SSTR4: variants seen among roughly 807,000 people sequenced by gnomAD.
SSTR4 encodes the protein somatostatin receptor 4.
For synonymous variants in SSTR4, 272 were observed against 246.3 expected (o/e 1.10, Z -0.98); for missense variants, 649 against 540.6 (o/e 1.20, Z -1.99).
At position 23,038,544 on chromosome 20, in the gene SSTR4, G is replaced by A. The variant is rs1984388418; in HGVS notation, c.*1894G>A. ...TTTAACTTAGTTGATGAAGGTTGAA[G>A]GAGAGGCAGCTTCAGGTGATGGAAA... On this transcript the variant is annotated 3_prime_UTR_variant, in exon 1 of 1. Transcript: ENST00000255008. 6.6e-6 allele frequency among the ~76,000 whole-genome samples: 1 copy of A among 152,218 alleles called. No individual in the cohort carries two copies. The highest frequency in any genetic ancestry group is 2.4e-5 in the African/African-American group (1 of 41,442).
rs1381183445 is a variant in SSTR4, at chr20:23,036,809, C to A, written c.*159C>A. ...GCCGGAGAGTGTCAGAACTCTTCTGCTGCTCTCCTCTCCCCTGCACTCTGG... is the reference window on the plus strand; with the variant it reads ...GCCGGAGAGTGTCAGAACTCTTCTGATGCTCTCCTCTCCCCTGCACTCTGG... On this transcript the variant is annotated 3_prime_UTR_variant, in exon 1 of 1. Transcript: ENST00000255008. The A allele has an allele frequency of 3.9e-6, 3 of 776,190 alleles. No homozygotes were observed. Among genetic ancestry groups the A allele is most frequent in the Admixed American group, 3.4e-5 (1 of 29,848 alleles). The allele number at this position is 776,190 out of a possible 1,614,324, so 48.1% of individuals were successfully genotyped here. A position where few individuals can be genotyped will look rare whatever the true frequency, so the allele number is the denominator to read the frequency against.
chr20:23,036,714 C>T lies in SSTR4; in HGVS notation c.*64C>T. ...AAGGGGTGGGCACCATTCCTACAGCCCCGAAGACTGCATCTCCTGAATGCT... is the reference window on the plus strand; with the variant it reads ...AAGGGGTGGGCACCATTCCTACAGCTCCGAAGACTGCATCTCCTGAATGCT... On this transcript the variant is annotated 3_prime_UTR_variant, in exon 1 of 1. Coordinates refer to ENST00000255008, the MANE Select transcript of SSTR4 (RefSeq NM_001052.4). 6.7e-7 allele frequency: 1 copy of T among 1,491,768 alleles called. No homozygotes were observed. Among genetic ancestry groups the T allele is most frequent in the East Asian group, 2.3e-5 (1 of 43,826 alleles). The allele number at this position is 1,491,768 out of a possible 1,614,324, so 92.4% of individuals were successfully genotyped here. A position where few individuals can be genotyped will look rare whatever the true frequency, so the allele number is the denominator to read the frequency against.
rs1172716473 is a variant in SSTR4, at chr20:23,038,210, C to A, written c.*1560C>A. On this transcript the variant is annotated 3_prime_UTR_variant, in exon 1 of 1. Coordinates refer to ENST00000255008, the MANE Select transcript of SSTR4 (RefSeq NM_001052.4). ...GGAGTTTTTTAAAACTGCATTATTT[C>A]TTTGTTCCTCAGTGTCTGACAATGC... 3 of 152,106 alleles carry A rather than the reference C, an allele frequency of 2.0e-5. No homozygotes were observed. Among genetic ancestry groups the A allele is most frequent in the African/African-American group, 7.2e-5 (3 of 41,406 alleles). 9.4% of individuals were successfully genotyped at this position (152,106 alleles called of 1,614,324 possible). A position where few individuals can be genotyped will look rare whatever the true frequency, so the allele number is the denominator to read the frequency against.
In SSTR4 at chr20:23,035,960, G is replaced by T; in HGVS notation, c.477G>T (p.Arg159=). The T allele has an allele frequency of 6.2e-7, 1 of 1,608,000 alleles. No homozygotes were observed. Among genetic ancestry groups the T allele is most frequent in the Non-Finnish European group, 8.5e-7 (1 of 1,178,622 alleles). Residue 159 remains arginine, a synonymous_variant, in exon 1 of 1, where the codon CGG becomes CGT. Coordinates refer to ENST00000255008, the MANE Select transcript of SSTR4 (RefSeq NM_001052.4). ...VHPLRAATYR[R]PSVAKLINLG... The stretch of plus-strand genomic sequence containing the variant: ...CTCTGCGCGCGGCGACCTACCGGCG[G>T]CCCAGCGTGGCCAAGCTCATCAACC...
chr20:23,036,604 A>T lies in SSTR4; in HGVS notation c.1121A>T (p.Glu374Val), dbSNP rs1984334050. The T allele has an allele frequency of 3.8e-6, 6 of 1,579,018 alleles. No homozygotes were observed. Among genetic ancestry groups the T allele is most frequent in the Non-Finnish European group, 5.2e-6 (6 of 1,163,640 alleles). Residue 374 changes from glutamate (E) to valine (V), a missense_variant, in exon 1 of 1, where the codon GAA becomes GTA. Glu to Val is a moderately radical substitution (Grantham distance 121, BLOSUM62 -2). Coordinates refer to ENST00000255008, the MANE Select transcript of SSTR4 (RefSeq NM_001052.4). ...LPCQQEALQP[E>V]PGRKRIPLTR... ...TGCCAGCAGGAAGCCCTGCAACCAG[A>T]ACCCGGCCGCAAGCGCATCCCCCTC...
rs901185473 is a variant in SSTR4, at chr20:23,035,470, C to A, written c.-14C>A. On this transcript the variant is annotated 5_prime_UTR_variant, in exon 1 of 1. Coordinates refer to ENST00000255008, the MANE Select transcript of SSTR4 (RefSeq NM_001052.4). ...TCCGCCGCGCTCAGCTGCCCTGCGCCGGCACCCCTGGTCATGAGCGCCCCC... is the reference window on the plus strand; with the variant it reads ...TCCGCCGCGCTCAGCTGCCCTGCGCAGGCACCCCTGGTCATGAGCGCCCCC... 2.0e-6 allele frequency: 3 copies of A among 1,467,728 alleles called. No individual in the cohort carries two copies. The highest frequency in any genetic ancestry group is 1.4e-5 in the South Asian group (1 of 72,948). 90.9% of individuals were successfully genotyped at this position (1,467,728 alleles called of 1,614,324 possible).
In SSTR4 at chr20:23,038,353, C is replaced by T. The variant is rs894266927; in HGVS notation, c.*1703C>T. On this transcript the variant is annotated 3_prime_UTR_variant, in exon 1 of 1. Coordinates refer to ENST00000255008, the MANE Select transcript of SSTR4 (RefSeq NM_001052.4). ...AGTGGTCCCCAGGGCTTCTTCCCAGCTTGTACGTGGGGTTGGGGGTCCTTT... is the reference window on the plus strand; with the variant it reads ...AGTGGTCCCCAGGGCTTCTTCCCAGTTTGTACGTGGGGTTGGGGGTCCTTT... The T allele has an allele frequency of 6.6e-6, 1 of 152,238 alleles. No homozygotes were observed. The highest frequency in any genetic ancestry group is 1.5e-5 in the Non-Finnish European group (1 of 68,108). 9.4% of individuals were successfully genotyped at this position (152,238 alleles called of 1,614,324 possible). A position where few individuals can be genotyped will look rare whatever the true frequency, so the allele number is the denominator to read the frequency against.
At position 23,035,399 on chromosome 20, in the gene SSTR4, C is replaced by G. The variant is rs1310741705; in HGVS notation, c.-85C>G. 1.7e-5 allele frequency: 18 copies of G among 1,052,224 alleles called. No individual in the cohort carries two copies. The highest frequency in any genetic ancestry group is 2.1e-5 in the Non-Finnish European group (17 of 826,316). 65.2% of individuals were successfully genotyped at this position (1,052,224 alleles called of 1,614,324 possible). ...GAAGAGCCGCGCGTCTGCGCGCCAG[C>G]CCCCGCCCTGGGCCCGCCGCCCGAG... On this transcript the variant is annotated 5_prime_UTR_variant, in exon 1 of 1. Transcript: ENST00000255008.
chr20:23,039,033 T>C lies in SSTR4; in HGVS notation c.*2383T>C, dbSNP rs572694609. On this transcript the variant is annotated 3_prime_UTR_variant, in exon 1 of 1. Coordinates refer to ENST00000255008, the MANE Select transcript of SSTR4 (RefSeq NM_001052.4). ...AACCCCAGGCTTTTGTAACAACTGG[T>C]TGCATGAAACCCTCCCTTGTAGTTT... 6.6e-6 allele frequency: 1 copy of C among 152,326 alleles called. No homozygotes were observed. The highest frequency in any genetic ancestry group is 2.1e-4 in the South Asian group (1 of 4,822). The allele number at this position is 152,326 out of a possible 1,614,324, so 9.4% of individuals were successfully genotyped here. A position where few individuals can be genotyped will look rare whatever the true frequency, so the allele number is the denominator to read the frequency against.
rs892041978 is a variant in SSTR4, at chr20:23,036,078, A to G, written c.595A>G (p.Asn199Asp). ...PARGGQAVAC[N>D]LQWPHPAWSA... is the part of the protein sequence containing the mutation. ...TCGCGGCGGCCAGGCCGTGGCCTGC[A>G]ACCTGCAGTGGCCACACCCGGCCTG... The change falls in exon 1 of 1, where the codon AAC becomes GAC. Residue 199 changes from asparagine to aspartate, a missense_variant. Physicochemically the swap from Asn to Asp is conservative, Grantham distance 23. Transcript: ENST00000255008. The G allele has an allele frequency of 1.3e-6, 2 of 1,595,380 alleles. No individual in the cohort carries two copies. The highest frequency in any genetic ancestry group is 1.7e-6 in the Non-Finnish European group (2 of 1,177,052).
At position 23,036,084 on chromosome 20, in the gene SSTR4, C is replaced by T; in HGVS notation, c.601C>T (p.Gln201Ter). 10 of 1,597,724 alleles carry T rather than the reference C, an allele frequency of 6.3e-6. No homozygotes were observed. The highest frequency in any genetic ancestry group is 8.5e-6 in the Non-Finnish European group (10 of 1,178,100). Residue 201 changes from glutamine to a stop codon, truncating the protein, a stop_gained, in exon 1 of 1, where the codon CAG (glutamine) becomes TAG (stop). Transcript: ENST00000255008. LOFTEE classifies it low-confidence loss of function (END_TRUNC). Reference sequence around the variant, plus strand: ...CGGCCAGGCCGTGGCCTGCAACCTGCAGTGGCCACACCCGGCCTGGTCGGC... The same window carrying T: ...CGGCCAGGCCGTGGCCTGCAACCTGTAGTGGCCACACCCGGCCTGGTCGGC... ...RGGQAVACNL[Q>*]WPHPAWSAVF...
rs141700474 is a variant in SSTR4 at position 23,036,182 on chromosome 20, C to A, written c.699C>A (p.Leu233=). ...TGGCCATTGGCCTGTGCTACCTGCT[C>A]ATCGTGGGCAAGATGCGCGCCGTGG... ...PVLAIGLCYL[L]IVGKMRAVAL... Residue 233 remains leucine, a synonymous_variant, in exon 1 of 1, where the codon CTC becomes CTA. Coordinates refer to ENST00000255008, the MANE Select transcript of SSTR4 (RefSeq NM_001052.4). 6.2e-7 allele frequency: 1 copy of A among 1,611,396 alleles called. No homozygotes were observed. The highest frequency in any genetic ancestry group is 1.7e-5 in the Admixed American group (1 of 59,936).
rs954943360 is a variant in SSTR4 at position 23,037,445 on chromosome 20, G to C, written c.*795G>C. ...CATTAAGGCAGCAATTTATACTGTGGTGGTGAGTGAGAGAGGAGCCATGGG... is the reference window on the plus strand; with the variant it reads ...CATTAAGGCAGCAATTTATACTGTGCTGGTGAGTGAGAGAGGAGCCATGGG... On this transcript the variant is annotated 3_prime_UTR_variant, in exon 1 of 1. Transcript: ENST00000255008. 6.6e-6 allele frequency: 1 copy of C among 152,146 alleles called. No individual in the cohort carries two copies. The highest frequency in any genetic ancestry group is 2.1e-4 in the South Asian group (1 of 4,834). 9.4% of individuals were successfully genotyped at this position (152,146 alleles called of 1,614,324 possible). A position where few individuals can be genotyped will look rare whatever the true frequency, so the allele number is the denominator to read the frequency against.
rs1045474215 is a variant in SSTR4, at chr20:23,037,814, A to C, written c.*1164A>C. Among the ~76,000 whole-genome samples the C allele has an allele frequency of 6.6e-6, 1 of 152,152 alleles. No individual in the cohort carries two copies. The highest frequency in any genetic ancestry group is 1.5e-5 in the Non-Finnish European group (1 of 68,030). On this transcript the variant is annotated 3_prime_UTR_variant, in exon 1 of 1. Coordinates refer to ENST00000255008, the MANE Select transcript of SSTR4 (RefSeq NM_001052.4). ...ACATGTATGAAGTTTGGGGGACCCC[A>C]CCTGGCTTAGCATTCAGAGACTACC...
In SSTR4 at chr20:23,036,438, C is replaced by T. The variant is rs781312298; in HGVS notation, c.955C>T (p.Arg319Cys). 1.9e-6 allele frequency: 3 copies of T among 1,613,946 alleles called. No individual in the cohort carries two copies. Among genetic ancestry groups the T allele is most frequent in the East Asian group, 2.2e-5 (1 of 44,864 alleles). ...CTATGGCTTCCTCTCCGACAACTTC[C>T]GCCGATTCTTCCAGCGGGTTCTCTG... is the stretch of plus-strand genomic sequence containing the variant. The part of the protein sequence containing the change: ...ILYGFLSDNF[R>C]RFFQRVLCLR... The change falls in exon 1 of 1, where the codon CGC becomes TGC. Residue 319 changes from arginine (R) to cysteine (C), a missense_variant. Transcript: ENST00000255008.
Position 23,035,971 on chromosome 20 carries a change from C to G in SSTR4, c.488C>G (p.Ala163Gly), listed in dbSNP as rs766747091. 7.8e-5 allele frequency: 126 copies of G among 1,606,070 alleles called. No individual in the cohort carries two copies. Among genetic ancestry groups the G allele is most frequent in the Non-Finnish European group, 9.9e-5 (117 of 1,178,062 alleles). Residue 163 changes from alanine (A) to glycine (G), a missense_variant, in exon 1 of 1, where the codon GCC becomes GGC. Physicochemically the swap from Ala to Gly is moderately conservative, Grantham distance 60. Transcript: ENST00000255008. ...GCGACCTACCGGCGGCCCAGCGTGG[C>G]CAAGCTCATCAACCTGGGCGTGTGG... is the stretch of plus-strand genomic sequence containing the variant. ...RAATYRRPSV[A>G]KLINLGVWLA...
In SSTR4 at chr20:23,037,552, C is replaced by G. The variant is rs144158501; in HGVS notation, c.*902C>G. 1.2e-3 allele frequency among the ~76,000 whole-genome samples: 176 copies of G among 152,178 alleles called. No homozygotes were observed. Among genetic ancestry groups the G allele is most frequent in the African/African-American group, 3.8e-3 (158 of 41,522 alleles). On this transcript the variant is annotated 3_prime_UTR_variant, in exon 1 of 1. Transcript: ENST00000255008. Reference sequence around the variant, plus strand: ...GAGGAAGCAGCTTCATCACCACCCCCTATTTTAGAATGTCATCTTTCAGTA... The same window carrying G: ...GAGGAAGCAGCTTCATCACCACCCCGTATTTTAGAATGTCATCTTTCAGTA...
At position 23,035,428 on chromosome 20, in the gene SSTR4, T is replaced by C; in HGVS notation, c.-56T>C. ...CGCCCTGGGCCCGCCGCCCGAGCTC[T>C]CTGGCGCAGCGCTAGCTCCGCCGCG... On this transcript the variant is annotated 5_prime_UTR_variant, in exon 1 of 1. Coordinates refer to ENST00000255008, the MANE Select transcript of SSTR4 (RefSeq NM_001052.4). 3.9e-6 allele frequency: 5 copies of C among 1,274,250 alleles called. No individual in the cohort carries two copies. Among genetic ancestry groups the C allele is most frequent in the Non-Finnish European group, 5.0e-6 (5 of 1,007,488 alleles). 78.9% of individuals were successfully genotyped at this position (1,274,250 alleles called of 1,614,324 possible).
At position 23,036,579 on chromosome 20, in the gene SSTR4, T is replaced by A; in HGVS notation, c.1096T>A (p.Cys366Ser). The part of the protein sequence containing the change: ...GAGCMCPPLP[C>S]QQEALQPEPG... ...AGGGTGCATGTGCCCCCCACTCCCC[T>A]GCCAGCAGGAAGCCCTGCAACCAGA... The change falls in exon 1 of 1, where the codon TGC becomes AGC. Residue 366 changes from cysteine (C) to serine (S), a missense_variant. Coordinates refer to ENST00000255008, the MANE Select transcript of SSTR4 (RefSeq NM_001052.4). 2 of 1,599,530 alleles carry A rather than the reference T, an allele frequency of 1.3e-6. No homozygotes were observed.
Sources: gnomAD v4.1 joint callset for allele counts (sites outside exome capture counted in the v4.1 genomes callset) on GRCh38, gnomAD v4.1.1 for gene constraint, MANE v1.5 for transcripts, NCBI Gene and HGNC (gene_info 2026-07-23, HGNC 2026-07-21) for gene names.